The following UPF2 variants were observed in gnomAD, a reference collection of about 807,000 sequenced individuals.
UPF2 encodes regulator of nonsense transcripts 2.
In UPF2, 17 loss-of-function variants were observed where a neutral mutation model predicts 141.4. The observed-to-expected ratio is 0.12, with a 90% CI of 0.08 to 0.18. UPF2 has a LOEUF of 0.18. Among genes scored for constraint, UPF2 ranks in the 10% least tolerant of loss-of-function variants. The pLI, the probability that UPF2 is intolerant of heterozygous loss-of-function variation, is 1.00. For synonymous variants in UPF2, 540 were observed against 498.0 expected (o/e 1.08, Z -1.12); for missense variants, 1,152 against 1,515.9 (o/e 0.76, Z 3.99).
chr10:11,928,336 C>T (rs1338438222), intron 21 of UPF2, among the ~76,000 whole-genome samples: 1 of 150,964 alleles, frequency 6.6e-6, no homozygotes, highest in East Asian at 1.9e-4. Context: ...GATTCGGTCT[C>T]AAAAAAAAGA....
intron 8 of UPF2, among the ~76,000 whole-genome samples, chr10:11,989,616 A>G (rs78240987): frequency 0.052 from 7,964 of 152,340 alleles, 287 homozygotes; most frequent in Non-Finnish European, 0.08. Context: ...TACTGACTGA[A>G]AACAAATCCC....
At chr10:12,026,646 C>CTTTTTTTT in intron 3 of UPF2, 3 of 389,468 alleles carry the variant, frequency 7.7e-6, no homozygotes, top group Admixed American at 3.0e-5. Context: ...TTCCTATAAA[C>CTTTTTTTT]TTTTTTTTTT....
chr10:11,975,143 C>T (rs111870269), intron 9 of UPF2, among the ~76,000 whole-genome samples: 2 of 152,256 alleles, frequency 1.3e-5, no homozygotes, highest in African/African-American at 4.8e-5. Flanking sequence ...CGCCTGTAGT[C>T]GTAGTTACTT....
Position 11,956,249 on chromosome 10 carries a change from C to T in UPF2, c.2574+71G>A. The T allele has an allele frequency of 7.1e-7, 1 of 1,407,854 alleles. No homozygotes were observed. Among genetic ancestry groups the T allele is most frequent in the South Asian group, 1.2e-5 (1 of 84,642 alleles). The allele number at this position is 1,407,854 out of a possible 1,614,324, so 87.2% of individuals were successfully genotyped here. On this transcript the variant is annotated intron_variant, in intron 13 of 21. Coordinates refer to ENST00000357604, the MANE Select transcript of UPF2 (RefSeq NM_015542.4). The surrounding 1 kb of genome is among the most constrained non-coding windows in gnomAD (Gnocchi z 4.2). ...TTACAGATTCCTATAACTTGAGTCT[C>T]AATAGTAACCTAGAAATAATAAATT...
At chr10:12,023,510 T>TAAAAAA (rs762703531) in intron 3 of UPF2, among the ~76,000 whole-genome samples, 35 of 117,258 alleles carry the variant, frequency 3.0e-4, no homozygotes, top group South Asian at 5.4e-4. Flanking sequence ...CTGTCTCTAC[T>TAAAAAA]AAAAAAAAAA....
intron 9 of UPF2, among the ~76,000 whole-genome samples, chr10:11,972,569 G>T (rs1410758638): frequency 6.6e-6 from 1 of 152,056 alleles, no homozygotes; most frequent in Non-Finnish European, 1.5e-5. Context: ...TGCGTGATGT[G>T]CCCCTCCCTG....
chr10:11,949,261 TC>T (rs1234395868), intron 15 of UPF2, among the ~76,000 whole-genome samples: 3 of 152,146 alleles, frequency 2.0e-5, no homozygotes, highest in African/African-American at 7.2e-5. Context: ...TCCTAAGCCC[TC>T]CCCTGAAGTT....
chr10:11,974,561 T>C (rs1218766095), intron 9 of UPF2, among the ~76,000 whole-genome samples: 2 of 152,228 alleles, frequency 1.3e-5, no homozygotes, highest in Non-Finnish European at 2.9e-5. Flanking sequence ...CATTGATACC[T>C]AATTTATTGA....
At chr10:12,027,359 A>G (rs1834436386) in intron 3 of UPF2, among the ~76,000 whole-genome samples, 1 of 152,244 alleles carries the variant, frequency 6.6e-6, no homozygotes, top group Non-Finnish European at 1.5e-5. Flanking sequence ...ACACCCTCAA[A>G]GTAGCCAAGA....
chr10:11,932,920 T>C (rs1014026014), intron 19 of UPF2, among the ~76,000 whole-genome samples: 8 of 152,202 alleles, frequency 5.3e-5, no homozygotes, highest in African/African-American at 1.9e-4. Flanking sequence ...TCTGCCAGTA[T>C]TAAACTATAC....
In UPF2 at chr10:12,014,437, T is replaced by C. The variant is rs1225417172; in HGVS notation, c.1146-253A>G. Among the ~76,000 whole-genome samples the C allele has an allele frequency of 6.6e-6, 1 of 152,192 alleles. No homozygotes were observed. Among genetic ancestry groups the C allele is most frequent in the East Asian group, 1.9e-4 (1 of 5,196 alleles). On this transcript the variant is annotated intron_variant, in intron 3 of 21. Coordinates refer to ENST00000357604, the MANE Select transcript of UPF2 (RefSeq NM_015542.4). This position sits in a 1 kb window ranked among gnomAD's most constrained non-coding sequence, Gnocchi z 5.0. ...CTTGCTGAAATACAATATTTAACAA[T>C]ATACATCTAAATAATTTTAAATTAT...
rs1237927237 is a variant in UPF2 at position 11,987,558 on chromosome 10, G to A, written c.1845-8393C>T. On this transcript the variant is annotated intron_variant, in intron 8 of 21. Transcript: ENST00000357604. ...GGATCATTTGAGGTCAGGAGTTCATGACCAGCCTGGCCAACATCATGAAAC... is the reference window on the plus strand; with the variant it reads ...GGATCATTTGAGGTCAGGAGTTCATAACCAGCCTGGCCAACATCATGAAAC... 2.6e-5 allele frequency among the ~76,000 whole-genome samples: 4 copies of A among 151,794 alleles called. No homozygotes were observed. In the East Asian group the frequency reaches 5.8e-4, roughly 22 times the overall value.
chr10:11,948,301 T>G (rs1833030244), intron 16 of UPF2, 68 bp downstream of exon 16: 2 of 1,453,400 alleles, frequency 1.4e-6, no homozygotes, highest in African/African-American at 1.4e-5. Context: ...TTAAAAAAAT[T>G]TTGGCTCATA....
At chr10:12,003,857 G>A (rs893636507) in intron 5 of UPF2, among the ~76,000 whole-genome samples, 17 of 142,754 alleles carry the variant, frequency 1.2e-4, no homozygotes, top group Admixed American at 3.1e-4. Context: ...CCTGGGAAGC[G>A]TAGGTTGCAG....
At chr10:12,002,257 G>A (rs140019426) in intron 5 of UPF2, among the ~76,000 whole-genome samples, 26 of 152,264 alleles carry the variant, frequency 1.7e-4, no homozygotes, top group African/African-American at 3.4e-4. Flanking sequence ...AGCAAAAAGG[G>A]CGAAACTAAG....
chr10:11,941,389 G>A (rs1239886870), intron 18 of UPF2, among the ~76,000 whole-genome samples: 1 of 152,238 alleles, frequency 6.6e-6, no homozygotes, highest in Non-Finnish European at 1.5e-5. Flanking sequence ...CTGGATATAT[G>A]AAGACATGTT....
intron 14 of UPF2, among the ~76,000 whole-genome samples, chr10:11,952,468 T>C (rs1833088357): frequency 7.2e-6 from 1 of 139,490 alleles, no homozygotes; most frequent in Non-Finnish European, 1.5e-5. Flanking sequence ...TTACTAAATA[T>C]CTTTTTTTTT....
At chr10:11,942,952 T>C in intron 17 of UPF2, 112 bp downstream of exon 17, 2 of 919,296 alleles carry the variant, frequency 2.2e-6, no homozygotes, top group South Asian at 1.6e-5. Context: ...AATGAATTTC[T>C]AAAGAAATAT....
In UPF2 at chr10:11,931,570, G is replaced by A. The variant is rs1832782254; in HGVS notation, c.3688+71C>T. ...ATGGAAAAATATGACATGAGAAGAT[G>A]AGACAAAATAACAATTTTGATGCTC... On this transcript the variant is annotated intron_variant, in intron 20 of 21. Transcript: ENST00000357604. This position sits in a 1 kb window ranked among gnomAD's most constrained non-coding sequence, Gnocchi z 5.9. 5 of 1,451,216 alleles carry A rather than the reference G, an allele frequency of 3.4e-6. No homozygotes were observed. The Middle Eastern group carries it at 6.4e-4, about 187-fold the overall frequency. The allele number at this position is 1,451,216 out of a possible 1,614,324, so 89.9% of individuals were successfully genotyped here.
Sources: allele counts gnomAD v4.1 joint callset (sites outside exome capture counted in the v4.1 genomes callset), GRCh38; gene constraint gnomAD v4.1.1; non-coding constraint Gnocchi (gnomAD v3.1); transcripts MANE v1.5; gene names NCBI Gene and HGNC (gene_info 2026-07-23, HGNC 2026-07-21).